Variants in DPEP1 observed in about 807,000 individuals in gnomAD.
The protein encoded by DPEP1 is beta-lactamase.
Under a neutral mutation model 42.3 loss-of-function variants are expected in DPEP1, and 50 were observed. That is an observed-to-expected ratio of 1.18 (90% confidence interval 0.94 to 1.50). DPEP1 has a LOEUF of 1.50. Ranked by LOEUF, DPEP1 falls within the 40% of genes most tolerant of loss-of-function variation. The pLI is 0.00. For missense variants in DPEP1, 663 were observed against 553.0 expected (o/e 1.20, Z -1.99); for synonymous variants, 297 against 234.0 (o/e 1.27, Z -2.46).
chr16:89,628,647 G>C (rs1004137264), intron 1 of DPEP1, among the ~76,000 whole-genome samples: 1 of 152,124 alleles, frequency 6.6e-6, no homozygotes, highest in African/African-American at 2.4e-5. Flanking sequence ...GGAGTGTGGT[G>C]CTCTTGGAAA....
At chr16:89,618,580 T>C (rs1312157206) in intron 1 of DPEP1, among the ~76,000 whole-genome samples, 1 of 151,952 alleles carries the variant, frequency 6.6e-6, no homozygotes, top group South Asian at 2.1e-4. Flanking sequence ...CAGGTGGGAG[T>C]GCAGCCTCAA....
intron 2 of DPEP1, among the ~76,000 whole-genome samples, chr16:89,634,771 CCTT>C (rs1426700149): frequency 5.3e-5 from 4 of 76,094 alleles, no homozygotes; most frequent in Non-Finnish European, 1.3e-4. Flanking sequence ...TTCTCCTTTC[CCTT>C]CCTTCTCCTT....
intron 1 of DPEP1, among the ~76,000 whole-genome samples, chr16:89,619,807 G>T (rs867628364): frequency 2.3e-3 from 2 of 870 alleles, no homozygotes; most frequent in African/African-American, 0.016. Flanking sequence ...AGCGCCCTGT[G>T]CCCCCCACTC....
At chr16:89,637,599 A>G in intron 8 of DPEP1, 33 bp from the exon 9 acceptor site, 2 of 1,612,776 alleles carry the variant, frequency 1.2e-6, no homozygotes, top group Non-Finnish European at 1.7e-6. Context: ...GGAGGGCCTC[A>G]CTCGGGACCC....
Position 89,638,358 on chromosome 16 carries a change from C to A in DPEP1, c.*136C>A. 2.1e-6 allele frequency: 3 copies of A among 1,425,100 alleles called. No individual in the cohort carries two copies. Among genetic ancestry groups the A allele is most frequent in the Non-Finnish European group, 2.7e-6 (3 of 1,094,434 alleles). The allele number at this position is 1,425,100 out of a possible 1,614,324, so 88.3% of individuals were successfully genotyped here. On this transcript the variant is annotated 3_prime_UTR_variant, in exon 11 of 11. Coordinates refer to ENST00000690203, the MANE Select transcript of DPEP1 (RefSeq NM_001389466.1). ...CTCCTGAGAGGACGCCTGGGCTTAC[C>A]TGGGGGGCAGGATGCCTGGGGACAG...
chr16:89,614,593 G>C (rs1343046906), intron 1 of DPEP1, among the ~76,000 whole-genome samples: 4 of 152,200 alleles, frequency 2.6e-5, no homozygotes, highest in Non-Finnish European at 5.9e-5. Flanking sequence ...AGGAGATCGA[G>C]ACCATCCTGG....
downstream of DPEP1, among the ~76,000 whole-genome samples, chr16:89,639,555 C>A: frequency 7.0e-6 from 1 of 142,544 alleles, no homozygotes; most frequent in East Asian, 2.1e-4. Flanking sequence ...ACACACACCC[C>A]ACACCCTGCA....
At chr16:89,637,152 C>T (rs376196387) in intron 6 of DPEP1, 52 bp from the exon 7 acceptor site, 56 of 1,584,394 alleles carry the variant, frequency 3.5e-5, no homozygotes, top group African/African-American at 2.6e-4. Context: ...CGTCCACCTC[C>T]GCAGCCCCGA....
intron 2 of DPEP1, among the ~76,000 whole-genome samples, chr16:89,632,352 C>T (rs55950592): frequency 0.045 from 6,875 of 152,300 alleles, 283 homozygotes; most frequent in Middle Eastern, 0.095. Context: ...CGCGCCCGGC[C>T]GGGGGTCACA....
intron 1 of DPEP1, among the ~76,000 whole-genome samples, chr16:89,625,881 C>T (rs945109073): frequency 6.6e-6 from 1 of 152,156 alleles, no homozygotes; most frequent in African/African-American, 2.4e-5. Flanking sequence ...ACCCACGCTG[C>T]CCTTGAACAG....
intron 1 of DPEP1, among the ~76,000 whole-genome samples, chr16:89,616,083 C>A (rs72805578): frequency 0.2 from 30,393 of 149,510 alleles, 3,230 homozygotes; most frequent in Admixed American, 0.28. Flanking sequence ...AAAAAAAAAA[C>A]ACAAAAAGTG....
chr16:89,615,309 G>C (rs1011961381), intron 1 of DPEP1, among the ~76,000 whole-genome samples: 1 of 152,212 alleles, frequency 6.6e-6, no homozygotes, highest in Non-Finnish European at 1.5e-5. Context: ...CACAGGTCGG[G>C]CTGAGGCTCC....
rs376403325 is a variant in DPEP1 at position 89,637,225 on chromosome 16, C to T, written c.613C>T (p.Arg205Cys). The part of the protein sequence containing the change: ...FGQRVVKELN[R>C]LGVLIDLAHV... ...CCAGCGTGTGGTGAAGGAGCTGAAC[C>T]GTCTGGGGGTCCTCATCGACTTGGC... The change falls in exon 7 of 11, where the codon CGT (arginine) becomes TGT (cysteine). Residue 205 changes from arginine (R) to cysteine (C), a missense_variant. Physicochemically the swap from Arg to Cys is radical, Grantham distance 180. Transcript: ENST00000690203. The T allele has an allele frequency of 8.1e-5, 130 of 1,612,408 alleles. No individual in the cohort carries two copies. Among genetic ancestry groups the T allele is most frequent in the South Asian group, 3.4e-4 (31 of 91,072 alleles).
At chr16:89,618,884 C>T (rs1271130598) in intron 1 of DPEP1, among the ~76,000 whole-genome samples, 1 of 151,854 alleles carries the variant, frequency 6.6e-6, no homozygotes, top group African/African-American at 2.4e-5. Context: ...CCACCAGCAC[C>T]CTCTACCTTT....
At chr16:89,640,446 C>T (rs1005936307), downstream of DPEP1, 3 of 524,498 alleles carry the variant, frequency 5.7e-6, no homozygotes, top group African/African-American at 6.3e-5. Context: ...TGGCTGGAGG[C>T]CCTGAGTCGA....
intron 1 of DPEP1, among the ~76,000 whole-genome samples, chr16:89,618,954 C>T (rs1297286716): frequency 1.9e-5 from 1 of 51,632 alleles, no homozygotes; most frequent in Non-Finnish European, 3.7e-5. Context: ...CCCTGCTCCC[C>T]TCCCTGCAGC....
intron 1 of DPEP1, among the ~76,000 whole-genome samples, chr16:89,626,684 T>TC (rs1056401848): frequency 4.6e-5 from 7 of 150,670 alleles, no homozygotes; most frequent in East Asian, 3.9e-4. Context: ...TGTTTGGCAG[T>TC]CCCCCCCTCA....
chr16:89,629,276 G>C (rs781621354), intron 1 of DPEP1, among the ~76,000 whole-genome samples: 1 of 152,162 alleles, frequency 6.6e-6, no homozygotes, highest in South Asian at 2.1e-4. Flanking sequence ...AAAGCAGGCA[G>C]GTTTGCTTGA....
intron 2 of DPEP1, among the ~76,000 whole-genome samples, chr16:89,632,041 TTTTTG>T (rs1308147962): frequency 1.3e-5 from 2 of 151,462 alleles, no homozygotes; most frequent in African/African-American, 4.9e-5. Context: ...CAGGGTCAGG[TTTTTG>T]TTTTGTTTTG....
Sources: allele counts gnomAD v4.1 joint callset (sites outside exome capture counted in the v4.1 genomes callset), GRCh38; gene constraint gnomAD v4.1.1; transcripts MANE v1.5; gene names NCBI Gene and HGNC (gene_info 2026-07-23, HGNC 2026-07-21).